LRRC38: variants seen among roughly 807,000 people sequenced by gnomAD.
The protein encoded by LRRC38 is leucine rich repeat containing 38, also known as leucine-rich repeat-containing protein 38.
A neutral mutation model predicts 16.4 loss-of-function variants in LRRC38; 5 were observed. That is an observed-to-expected ratio of 0.31 (90% CI 0.16 to 0.64). The LOEUF is 0.64. Ranked by LOEUF, LRRC38 falls within the 30% of genes least tolerant of loss-of-function variation. The pLI is 0.80. For missense variants in LRRC38, 341 were observed against 401.8 expected (o/e 0.85, Z 1.29); for synonymous variants, 191 against 190.2 (o/e 1.00, Z -0.04).
chr1:13,478,189 G>A (rs1183836892), intron 1 of LRRC38, among the ~76,000 whole-genome samples: 6 of 152,180 alleles, frequency 3.9e-5, no homozygotes, highest in Admixed American at 1.3e-4. Context: ...AATGCATAAA[G>A]AGCTCAGATC....
intron 1 of LRRC38, among the ~76,000 whole-genome samples, chr1:13,492,270 G>A (rs142380517): frequency 1.9e-3 from 284 of 152,274 alleles, no homozygotes; most frequent in Non-Finnish European, 3.2e-3. Context: ...GTTCATCCGC[G>A]TTGTAATGCA....
At chr1:13,512,615 C>T (rs1639285808) in intron 1 of LRRC38, among the ~76,000 whole-genome samples, 1 of 152,042 alleles carries the variant, frequency 6.6e-6, no homozygotes, top group African/African-American at 2.4e-5. Context: ...GAGTAGGCTG[C>T]ATTCCGCTTA....
intron 1 of LRRC38, among the ~76,000 whole-genome samples, chr1:13,510,930 G>A (rs2100529019): frequency 6.6e-6 from 1 of 152,292 alleles, no homozygotes; most frequent in Middle Eastern, 3.4e-3. Flanking sequence ...TTACAGTTTA[G>A]GAGATACTCT....
At chr1:13,512,931 C>G (rs1220022794) in intron 1 of LRRC38, 32 bp downstream of exon 1, 5 of 1,404,100 alleles carry the variant, frequency 3.6e-6, no homozygotes, top group Non-Finnish European at 4.8e-6. Flanking sequence ...GCCCCCCTCC[C>G]TCCCTCCCCC....
At chr1:13,483,107 A>G (rs921655170) in intron 1 of LRRC38, among the ~76,000 whole-genome samples, 1 of 151,802 alleles carries the variant, frequency 6.6e-6, no homozygotes, top group Non-Finnish European at 1.5e-5. Context: ...GCCCCTCCCA[A>G]CAAGCTCCCT....
At chr1:13,476,790 C>T (rs754713589) in intron 1 of LRRC38, among the ~76,000 whole-genome samples, 1 of 152,106 alleles carries the variant, frequency 6.6e-6, no homozygotes. Flanking sequence ...TGCCAACTAG[C>T]GGACAGACCC....
chr1:13,498,855 C>CCG (rs1639112827), intron 1 of LRRC38, among the ~76,000 whole-genome samples: 1 of 152,088 alleles, frequency 6.6e-6, no homozygotes, highest in Non-Finnish European at 1.5e-5. Context: ...ATCAAGGCAT[C>CCG]GGCAGCGCTG....
chr1:13,506,779 G>A (rs779472586), intron 1 of LRRC38, among the ~76,000 whole-genome samples: 1 of 152,014 alleles, frequency 6.6e-6, no homozygotes, highest in Non-Finnish European at 1.5e-5. Context: ...TTTACAGCCC[G>A]CACCAGCCCG....
chr1:13,475,781 C>A lies in LRRC38; in HGVS notation c.*65G>T. On this transcript the variant is annotated 3_prime_UTR_variant, in exon 2 of 2. Coordinates refer to ENST00000376085, the MANE Select transcript of LRRC38 (RefSeq NM_001010847.2). The surrounding 1 kb of genome is among the most constrained non-coding windows in gnomAD (Gnocchi z 4.3). ...GTGCTTTTCCATTTTCAGCATTTCC[C>A]TCTCGTCTTGGAGAGAGCTTCTGGT... 2.0e-6 allele frequency: 3 copies of A among 1,519,076 alleles called. No homozygotes were observed. The highest frequency in any genetic ancestry group is 1.3e-5 in the South Asian group (1 of 79,484). 94.1% of individuals were successfully genotyped at this position (1,519,076 alleles called of 1,614,324 possible).
At chr1:13,506,639 AG>A (rs1639216956) in intron 1 of LRRC38, among the ~76,000 whole-genome samples, 1 of 152,054 alleles carries the variant, frequency 6.6e-6, no homozygotes, top group Non-Finnish European at 1.5e-5. Context: ...TAGTATTTTT[AG>A]TAGAGATGGG....
intron 1 of LRRC38, among the ~76,000 whole-genome samples, chr1:13,476,596 T>C (rs1638792335): frequency 6.6e-6 from 1 of 152,202 alleles, no homozygotes. Context: ...CTGAAAGTGC[T>C]GGGATTACAG....
intron 1 of LRRC38, among the ~76,000 whole-genome samples, chr1:13,490,610 A>G (rs1175852867): frequency 6.6e-6 from 1 of 151,980 alleles, no homozygotes; most frequent in Non-Finnish European, 1.5e-5. Flanking sequence ...CATCATCCAA[A>G]ATAAACACTT....
At chr1:13,476,839 C>T (rs1322589603) in intron 1 of LRRC38, among the ~76,000 whole-genome samples, 1 of 152,148 alleles carries the variant, frequency 6.6e-6, no homozygotes, top group Non-Finnish European at 1.5e-5. Flanking sequence ...AGATACTATC[C>T]TCCTCTTCAC....
At chr1:13,485,378 C>A (rs1638919338) in intron 1 of LRRC38, among the ~76,000 whole-genome samples, 1 of 151,386 alleles carries the variant, frequency 6.6e-6, no homozygotes, top group African/African-American at 2.4e-5. Context: ...GAGATTGAGA[C>A]CATCCTGGCT....
At chr1:13,504,359 C>T (rs2999900) in intron 1 of LRRC38, among the ~76,000 whole-genome samples, 39,301 of 151,814 alleles carry the variant, frequency 0.26, 6,412 homozygotes, top group East Asian at 0.67. Context: ...ATGGTAACCA[C>T]GGTACATATT....
chr1:13,475,574 C>T lies in LRRC38; in HGVS notation c.*272G>A, dbSNP rs1638776260. ...CATCAGCTATGAAGCCTGACTCGGT[C>T]ATCTTCTCCCCCAACACACACCTCG... On this transcript the variant is annotated 3_prime_UTR_variant, in exon 2 of 2. Coordinates refer to ENST00000376085, the MANE Select transcript of LRRC38 (RefSeq NM_001010847.2). This position sits in a 1 kb window ranked among gnomAD's most constrained non-coding sequence, Gnocchi z 4.3. The T allele has an allele frequency of 4.7e-6, 2 of 426,018 alleles. No individual in the cohort carries two copies. Among genetic ancestry groups the T allele is most frequent in the Admixed American group, 7.2e-5 (2 of 27,706 alleles). The allele number at this position is 426,018 out of a possible 1,614,324, so 26.4% of individuals were successfully genotyped here.
chr1:13,511,863 G>T (rs1639277445), intron 1 of LRRC38, among the ~76,000 whole-genome samples: 1 of 152,174 alleles, frequency 6.6e-6, no homozygotes, highest in South Asian at 2.1e-4. Context: ...CCGAAGCATG[G>T]GGTGTGTTTG....
chr1:13,507,812 A>G (rs1269376516), intron 1 of LRRC38, among the ~76,000 whole-genome samples: 1 of 148,966 alleles, frequency 6.7e-6, no homozygotes, highest in East Asian at 2.1e-4. Flanking sequence ...AGCCTGGGTG[A>G]CAGACCAAAA....
At position 13,481,132 on chromosome 1, in the gene LRRC38, C is replaced by G. The variant is rs986301077; in HGVS notation, c.632-5033G>C. ...TGGGATTAGTGTTCTTCCTCCCCACCCCCTCCAACAAGATGGAGTCTCACT... is the reference window on the plus strand; with the variant it reads ...TGGGATTAGTGTTCTTCCTCCCCACGCCCTCCAACAAGATGGAGTCTCACT... On this transcript the variant is annotated intron_variant, in intron 1 of 1. Transcript: ENST00000376085. Among the ~76,000 whole-genome samples, 55 of 152,132 alleles carry G rather than the reference C, an allele frequency of 3.6e-4. 1 individual carries two copies. Among genetic ancestry groups the G allele is most frequent in the Admixed American group, 3.5e-3 (53 of 15,272 alleles).
Sources: allele counts gnomAD v4.1 joint callset (sites outside exome capture counted in the v4.1 genomes callset), GRCh38; gene constraint gnomAD v4.1.1; non-coding constraint Gnocchi (gnomAD v3.1); transcripts MANE v1.5; gene names NCBI Gene and HGNC (gene_info 2026-07-23, HGNC 2026-07-21).